The following SYT14 variants were observed in gnomAD, a reference collection of about 807,000 sequenced individuals.
SYT14 encodes the protein synaptotagmin 14.
In SYT14, 32 loss-of-function variants were observed where a neutral mutation model predicts 74.2. That is an observed-to-expected ratio of 0.43 (90% CI 0.33 to 0.58). The LOEUF (loss-of-function observed/expected upper bound fraction) is 0.58. Ranked by LOEUF, SYT14 falls within the 20% of genes least tolerant of loss-of-function variation. The pLI is 0.05. For missense variants in SYT14, 791 were observed against 981.8 expected (o/e 0.81, Z 2.60); for synonymous variants, 298 against 337.7 (o/e 0.88, Z 1.29).
chr1:210,130,818 A>G (rs2082658250), intron 7 of SYT14, among the ~76,000 whole-genome samples: 1 of 152,208 alleles, frequency 6.6e-6, no homozygotes, highest in South Asian at 2.1e-4. Context: ...ATATGTAATA[A>G]CTCAGGTAGC....
intron 2 of SYT14, among the ~76,000 whole-genome samples, chr1:209,993,743 A>G (rs1056931040): frequency 7.2e-5 from 11 of 152,022 alleles, no homozygotes; most frequent in African/African-American, 2.7e-4. Flanking sequence ...TGGTGAGGCC[A>G]TCTCTTCTCC....
intron 2 of SYT14, among the ~76,000 whole-genome samples, chr1:209,993,665 C>T (rs912631702): frequency 1.3e-5 from 2 of 152,078 alleles, no homozygotes; most frequent in East Asian, 1.9e-4. Flanking sequence ...CCTGGCAGCC[C>T]GGAACACCTA....
At chr1:210,156,553 CTT>C (rs1342637574) in intron 8 of SYT14, among the ~76,000 whole-genome samples, 1 of 151,962 alleles carries the variant, frequency 6.6e-6, no homozygotes, top group African/African-American at 2.4e-5. Context: ...GTCTGTTACT[CTT>C]CTCTCTCTGG....
chr1:209,961,566 A>G (rs1029711848), intron 2 of SYT14, among the ~76,000 whole-genome samples: 4 of 152,120 alleles, frequency 2.6e-5, no homozygotes, highest in African/African-American at 7.2e-5. Context: ...ATTAAGGCTT[A>G]TCTGTACTAA....
intron 5 of SYT14, among the ~76,000 whole-genome samples, chr1:210,035,699 A>G (rs964074999): frequency 2.0e-5 from 3 of 151,736 alleles, no homozygotes; most frequent in African/African-American, 7.2e-5. Flanking sequence ...TCCCCAGTGT[A>G]TGTTTTGGTT....
intron 5 of SYT14, among the ~76,000 whole-genome samples, chr1:210,070,187 C>T (rs563327903): frequency 7.1e-4 from 108 of 152,156 alleles, no homozygotes; most frequent in Admixed American, 3.1e-3. Flanking sequence ...TGTGCCGTCA[C>T]CATACATTTA....
At chr1:210,016,184 T>C (rs1192339786) in exon 4 of SYT14, 5 of 1,231,956 alleles carry the variant, frequency 4.1e-6, no homozygotes, top group Non-Finnish European at 5.1e-6. Flanking sequence ...AGAGGAAAGC[T>C]CTGTAGCAGA....
At chr1:210,027,616 T>C (rs1255275662) in intron 5 of SYT14, among the ~76,000 whole-genome samples, 7 of 152,148 alleles carry the variant, frequency 4.6e-5, no homozygotes, top group Admixed American at 1.3e-4. Context: ...AAACTCCTGT[T>C]GTTCAAGGGT....
intron 5 of SYT14, among the ~76,000 whole-genome samples, chr1:210,051,931 A>G (rs1359049425): frequency 2.6e-5 from 4 of 152,194 alleles, no homozygotes; most frequent in Non-Finnish European, 5.9e-5. Flanking sequence ...GACTGCTAAC[A>G]AAATCTTAAT....
intron 2 of SYT14, among the ~76,000 whole-genome samples, chr1:210,004,351 T>C (rs1433022796): frequency 6.6e-6 from 1 of 152,090 alleles, no homozygotes; most frequent in Non-Finnish European, 1.5e-5. Flanking sequence ...GAACATATTC[T>C]CAATTCCTTT....
intron 7 of SYT14, among the ~76,000 whole-genome samples, chr1:210,123,703 G>A (rs528827350): frequency 4.6e-5 from 7 of 152,166 alleles, no homozygotes; most frequent in Admixed American, 2.0e-4. Context: ...GCATTTAAAC[G>A]TTTAGAGTTT....
At chr1:210,068,157 A>G (rs2081330437) in intron 5 of SYT14, among the ~76,000 whole-genome samples, 1 of 151,796 alleles carries the variant, frequency 6.6e-6, no homozygotes, top group Admixed American at 6.6e-5. Context: ...ATTGATGTTT[A>G]ATTTTATTAT....
chr1:209,938,266 T>A, exon 1 of SYT14: 1 of 1,561,422 alleles, frequency 6.4e-7, no homozygotes, highest in Non-Finnish European at 8.7e-7. Context: ...GAGCGCATCA[T>A]GGCGATTGAA....
chr1:209,972,003 T>A (rs2079264715), intron 2 of SYT14, among the ~76,000 whole-genome samples: 1 of 152,166 alleles, frequency 6.6e-6, no homozygotes. Context: ...TGGCTGTGAA[T>A]CCATCTGGTG....
intron 7 of SYT14, among the ~76,000 whole-genome samples, chr1:210,115,943 T>A (rs2082352004): frequency 6.6e-6 from 1 of 150,432 alleles, no homozygotes. Flanking sequence ...GAAAAGAGAG[T>A]CAGCGAAGAG....
At chr1:210,149,424 A>G (rs902835585) in intron 7 of SYT14, among the ~76,000 whole-genome samples, 2 of 152,036 alleles carry the variant, frequency 1.3e-5, no homozygotes, top group African/African-American at 4.8e-5. Flanking sequence ...GCCTCAAGTG[A>G]TCTGCCTGCC....
intron 7 of SYT14, among the ~76,000 whole-genome samples, chr1:210,101,800 A>G (rs180715683): frequency 6.6e-6 from 1 of 152,246 alleles, no homozygotes; most frequent in African/African-American, 2.4e-5. Context: ...CTCTGTGGAA[A>G]ATAAACGCTT....
intron 2 of SYT14, among the ~76,000 whole-genome samples, chr1:210,007,401 C>T (rs2080009286): frequency 6.6e-6 from 1 of 151,814 alleles, no homozygotes; most frequent in Admixed American, 6.6e-5. Flanking sequence ...AAGCTATTTT[C>T]TATAGAGTAT....
At chr1:210,080,780 A>G (rs2081601908) in intron 5 of SYT14, among the ~76,000 whole-genome samples, 1 of 152,230 alleles carries the variant, frequency 6.6e-6, no homozygotes, top group Non-Finnish European at 1.5e-5. Flanking sequence ...GATGGAAGCA[A>G]CGTGTGCTGT....
Sources: gnomAD v4.1 joint callset for allele counts (sites outside exome capture counted in the v4.1 genomes callset) on GRCh38, gnomAD v4.1.1 for gene constraint, MANE v1.5 for transcripts, NCBI Gene and HGNC (gene_info 2026-07-23, HGNC 2026-07-21) for gene names.